ABTB2: variants seen among roughly 807,000 people sequenced by gnomAD.
The protein encoded by ABTB2 is ankyrin repeat and BTB domain containing 2.
Under a neutral mutation model 104.1 loss-of-function variants are expected in ABTB2, and 56 were observed. The observed-to-expected ratio is 0.54, with a 90% CI of 0.43 to 0.67. ABTB2 has a LOEUF of 0.67. Ranked by LOEUF, ABTB2 falls within the 30% of genes least tolerant of loss-of-function variation. The pLI is 0.00. For missense variants in ABTB2, 1,279 were observed against 1,407.7 expected, an observed-to-expected ratio of 0.91 and a Z score of 1.46; for synonymous variants, 606 against 608.2, an observed-to-expected ratio of 1.00 and a Z score of 0.05.
At chr11:34,240,418 G>A (rs575702887) in intron 1 of ABTB2, among the ~76,000 whole-genome samples, 13 of 152,286 alleles carry the variant, frequency 8.5e-5, no homozygotes, top group East Asian at 1.9e-4. Flanking sequence ...CCCAAGAAAC[G>A]GCTTTGCTTC....
At chr11:34,179,000 C>A (rs1852990554) in intron 3 of ABTB2, among the ~76,000 whole-genome samples, 1 of 147,460 alleles carries the variant, frequency 6.8e-6, no homozygotes, top group Non-Finnish European at 1.5e-5. Context: ...TGCTTGAGCC[C>A]AGAAGGTGGA....
rs957490602 is a variant in ABTB2 at position 34,356,521 on chromosome 11, A to C, written c.883+180T>G. Among the ~76,000 whole-genome samples, 1 of 152,250 alleles carries C rather than the reference A, an allele frequency of 6.6e-6. No individual in the cohort carries two copies. Reference sequence around the variant, plus strand: ...TTCACAAGTTTACCCTCCAAAAGTCAGACACCCTTAGAACAATCTCTGGCA... The same window carrying C: ...TTCACAAGTTTACCCTCCAAAAGTCCGACACCCTTAGAACAATCTCTGGCA... On this transcript the variant is annotated intron_variant, in intron 1 of 16. Coordinates refer to ENST00000435224, the MANE Select transcript of ABTB2 (RefSeq NM_145804.3). The surrounding 1 kb of genome is among the most constrained non-coding windows in gnomAD (Gnocchi z 4.6).
chr11:34,172,391 AAAAAATATATAT>A (rs1369518208), intron 4 of ABTB2, among the ~76,000 whole-genome samples: 2 of 26,768 alleles, frequency 7.5e-5, no homozygotes, highest in African/African-American at 1.9e-4. Flanking sequence ...AAAAAAAAAA[AAAAAATATATAT>A]ATATATATAT....
At chr11:34,278,604 G>A (rs946420482) in intron 1 of ABTB2, among the ~76,000 whole-genome samples, 4 of 152,136 alleles carry the variant, frequency 2.6e-5, no homozygotes, top group Non-Finnish European at 5.9e-5. Flanking sequence ...GATGCACTGA[G>A]GGAATGGCTG....
chr11:34,357,841 C>G lies in ABTB2; in HGVS notation c.-258G>C, dbSNP rs756188132. 6.2e-6 allele frequency: 3 copies of G among 481,364 alleles called. No individual in the cohort carries two copies. The highest frequency in any genetic ancestry group is 2.0e-5 in the African/African-American group (1 of 50,010). 29.8% of individuals were successfully genotyped at this position (481,364 alleles called of 1,614,324 possible). A position where few individuals can be genotyped will look rare whatever the true frequency, so the allele number is the denominator to read the frequency against. On this transcript the variant is annotated 5_prime_UTR_variant, in exon 1 of 17. Coordinates refer to ENST00000435224, the MANE Select transcript of ABTB2 (RefSeq NM_145804.3). Reference sequence around the variant, plus strand: ...AGAACCCCGTCGCTACCCCCCGGCACTCCCCCTTGTCCACCTCTAATTCCC... The same window carrying G: ...AGAACCCCGTCGCTACCCCCCGGCAGTCCCCCTTGTCCACCTCTAATTCCC...
intron 3 of ABTB2, among the ~76,000 whole-genome samples, chr11:34,194,472 T>C (rs928318936): frequency 6.6e-6 from 1 of 152,190 alleles, no homozygotes; most frequent in Non-Finnish European, 1.5e-5. Context: ...TCTGCCACTC[T>C]GGAACCCTAG....
In ABTB2 at chr11:34,236,436, T is replaced by C. The variant is rs748580148; in HGVS notation, c.884-31746A>G. Among the ~76,000 whole-genome samples the C allele has an allele frequency of 5.3e-4, 81 of 152,144 alleles. 1 individual carries two copies. The highest frequency in any genetic ancestry group is 8.8e-5 in the Non-Finnish European group (6 of 68,014). Reference sequence around the variant, plus strand: ...ACAAAAAATTCTTTCTAATTTGGGGTGGGTCACTCGACAGGTTTCAGAGAG... The same window carrying C: ...ACAAAAAATTCTTTCTAATTTGGGGCGGGTCACTCGACAGGTTTCAGAGAG... On this transcript the variant is annotated intron_variant, in intron 1 of 16. Transcript: ENST00000435224.
Position 34,252,860 on chromosome 11 carries a change from C to T in ABTB2, c.884-48170G>A, listed in dbSNP as rs138297142. 5.4e-3 allele frequency among the ~76,000 whole-genome samples: 829 copies of T among 152,170 alleles called. 9 individuals are homozygous for T. The highest frequency in any genetic ancestry group is 6.9e-3 in the Non-Finnish European group (472 of 67,970). Reference sequence around the variant, plus strand: ...GGGAGCTTGGACACCTGGGCCTCTCCTGCCCAACCCAGGTGGCTGTCACCT... The same window carrying T: ...GGGAGCTTGGACACCTGGGCCTCTCTTGCCCAACCCAGGTGGCTGTCACCT... On this transcript the variant is annotated intron_variant, in intron 1 of 16. Coordinates refer to ENST00000435224, the MANE Select transcript of ABTB2 (RefSeq NM_145804.3). This position sits in a 1 kb window ranked among gnomAD's most constrained non-coding sequence, Gnocchi z 5.5.
At chr11:34,230,333 G>GGA (rs1853752695) in intron 1 of ABTB2, among the ~76,000 whole-genome samples, 1 of 152,210 alleles carries the variant, frequency 6.6e-6, no homozygotes, top group African/African-American at 2.4e-5. Context: ...GCTCAGTGAG[G>GGA]GAGAATTTGA....
At chr11:34,200,697 A>G (rs1370972122) in intron 2 of ABTB2, among the ~76,000 whole-genome samples, 1 of 152,214 alleles carries the variant, frequency 6.6e-6, no homozygotes, top group African/African-American at 2.4e-5. Flanking sequence ...CACCCTGTGA[A>G]GGAGGTCTTT....
At position 34,357,072 on chromosome 11, in the gene ABTB2, G is replaced by C; in HGVS notation, c.512C>G (p.Ala171Gly). ...AVRLVHSWAL[A>G]ESCALAAVKA... ...GACGGCTGCCAGCGCGCAGCTCTCG[G>C]CCAGCGCCCAGCTGTGCACCAGGCG... The change falls in exon 1 of 17, where the codon GCC becomes GGC. Residue 171 changes from alanine (A) to glycine (G), a missense_variant. Ala to Gly is a moderately conservative substitution (Grantham distance 60). Coordinates refer to ENST00000435224, the MANE Select transcript of ABTB2 (RefSeq NM_145804.3). 6.6e-7 allele frequency: 1 copy of C among 1,523,610 alleles called. No individual in the cohort carries two copies. Among genetic ancestry groups the C allele is most frequent in the East Asian group, 2.5e-5 (1 of 40,710 alleles). The allele number at this position is 1,523,610 out of a possible 1,614,324, so 94.4% of individuals were successfully genotyped here.
intron 1 of ABTB2, among the ~76,000 whole-genome samples, chr11:34,283,250 C>G (rs1426194237): frequency 6.8e-6 from 1 of 146,646 alleles, no homozygotes; most frequent in Non-Finnish European, 1.5e-5. Context: ...GAATCTCGCT[C>G]TGTAACCCAG....
At chr11:34,230,364 T>C (rs1366989766) in intron 1 of ABTB2, among the ~76,000 whole-genome samples, 1 of 152,176 alleles carries the variant, frequency 6.6e-6, no homozygotes, top group East Asian at 1.9e-4. Context: ...TGGGTTTGAA[T>C]GAGGGGTTAG....
intron 1 of ABTB2, among the ~76,000 whole-genome samples, chr11:34,255,360 G>A (rs970570545): frequency 1.4e-4 from 22 of 152,124 alleles, no homozygotes; most frequent in African/African-American, 2.4e-5. Flanking sequence ...AGCAGAGAAC[G>A]GTACAGACAG....
intron 1 of ABTB2, among the ~76,000 whole-genome samples, chr11:34,280,218 G>T (rs904959238): frequency 6.6e-6 from 1 of 152,124 alleles, no homozygotes; most frequent in Non-Finnish European, 1.5e-5. Context: ...AATGGCGCAG[G>T]AATGGGACCT....
intron 2 of ABTB2, 21 bp from the exon 3 acceptor site, chr11:34,197,559 C>T (rs746860783): frequency 6.8e-7 from 1 of 1,476,952 alleles, no homozygotes; most frequent in Non-Finnish European, 9.2e-7. Context: ...GCGGGGAGGG[C>T]AGAGGGGAGG....
Position 34,151,392 on chromosome 11 carries a change from GC to G in ABTB2, c.*994del, listed in dbSNP as rs1163235979. On this transcript the variant is annotated 3_prime_UTR_variant, in exon 17 of 17. Transcript: ENST00000435224. ...CACAGCAGAAAGGCCTCTTCTCCTG[GC>G]CCTTACCTTCCATCAATGCCCTGTC... 1 of 152,218 alleles carries G rather than the reference GC, an allele frequency of 6.6e-6. No individual in the cohort carries two copies. The highest frequency in any genetic ancestry group is 2.4e-5 in the African/African-American group (1 of 41,428). The allele number at this position is 152,218 out of a possible 1,614,324, so 9.4% of individuals were successfully genotyped here.
intron 1 of ABTB2, among the ~76,000 whole-genome samples, chr11:34,313,730 T>C (rs1216591159): frequency 6.6e-6 from 1 of 152,250 alleles, no homozygotes; most frequent in African/African-American, 2.4e-5. Context: ...ATAGAGGTTA[T>C]GATAGGACTT....
chr11:34,231,449 G>A (rs780732649), intron 1 of ABTB2, among the ~76,000 whole-genome samples: 10 of 152,162 alleles, frequency 6.6e-5, no homozygotes, highest in Non-Finnish European at 1.2e-4. Flanking sequence ...CAGAGTGGAC[G>A]TGGCCTGAGG....
Sources: allele counts gnomAD v4.1 joint callset (sites outside exome capture counted in the v4.1 genomes callset), GRCh38; gene constraint gnomAD v4.1.1; non-coding constraint Gnocchi (gnomAD v3.1); transcripts MANE v1.5; gene names NCBI Gene and HGNC (gene_info 2026-07-23, HGNC 2026-07-21).